Variants in RUNX1T1 observed in about 807,000 individuals in gnomAD.
RUNX1T1 encodes RUNX1 partner transcriptional co-repressor 1.
A neutral mutation model predicts 62.8 loss-of-function variants in RUNX1T1; 4 were observed. That is an observed-to-expected ratio of 0.06 (90% CI 0.03 to 0.15). The LOEUF is 0.15. Among genes scored for constraint, RUNX1T1 ranks in the 10% least tolerant of loss-of-function variants. The pLI is 1.00. For synonymous variants in RUNX1T1, 291 were observed against 286.0 expected (o/e 1.02, Z -0.18); for missense variants, 508 against 754.3 (o/e 0.67, Z 3.82).
At chr8:91,975,763 T>A in intron 9 of RUNX1T1, 142 bp downstream of exon 10, 1 of 624,630 alleles carries the variant, frequency 1.6e-6, no homozygotes, top group Non-Finnish European at 2.9e-6. Flanking sequence ...GTGTTTTGTT[T>A]AGTGGTTTTT....
chr8:91,960,269 A>T (rs1343128193), exon 11 of RUNX1T1: 1 of 1,609,764 alleles, frequency 6.2e-7, no homozygotes, highest in South Asian at 1.1e-5. Flanking sequence ...CTATGGTGGA[A>T]GGGGTTCCCG....
intron 1 of RUNX1T1, among the ~76,000 whole-genome samples, chr8:92,094,855 T>C (rs1837554014): frequency 6.6e-6 from 1 of 152,200 alleles, no homozygotes; most frequent in Non-Finnish European, 1.5e-5. Flanking sequence ...CACCTTAAAA[T>C]AAAAATGAAC....
chr8:92,042,961 T>C (rs1017188881), intron 1 of RUNX1T1, among the ~76,000 whole-genome samples: 12 of 152,208 alleles, frequency 7.9e-5, no homozygotes, highest in African/African-American at 1.7e-4. Context: ...CACATTTTTA[T>C]TCAAGCATGT....
chr8:91,981,690 C>T (rs1294589618), intron 8 of RUNX1T1, among the ~76,000 whole-genome samples: 1 of 151,972 alleles, frequency 6.6e-6, no homozygotes, highest in Non-Finnish European at 1.5e-5. Context: ...GCTGGGATTA[C>T]AGGCGTCAGC....
chr8:92,067,164 A>C (rs1036044932), upstream of RUNX1T1, among the ~76,000 whole-genome samples: 1 of 152,206 alleles, frequency 6.6e-6, no homozygotes, highest in East Asian at 1.9e-4. Flanking sequence ...AATGAGATGG[A>C]GTCAAGTAAA....
chr8:92,045,484 C>T (rs1234345389), intron 1 of RUNX1T1, among the ~76,000 whole-genome samples: 1 of 152,160 alleles, frequency 6.6e-6, no homozygotes, highest in Non-Finnish European at 1.5e-5. Flanking sequence ...TTTCTTATTT[C>T]CACTGAGGCA....
chr8:91,999,708 A>G (rs1045073337), intron 5 of RUNX1T1, among the ~76,000 whole-genome samples: 1 of 152,204 alleles, frequency 6.6e-6, no homozygotes, highest in Non-Finnish European at 1.5e-5. Flanking sequence ...TATTTAGCAC[A>G]GGGCCCAGCA....
intron 1 of RUNX1T1, among the ~76,000 whole-genome samples, chr8:92,019,516 T>TG (rs36116519): frequency 6.6e-6 from 1 of 152,096 alleles, no homozygotes; most frequent in Non-Finnish European, 1.5e-5. Context: ...AAGAGCCTGA[T>TG]GGGGGAGTAA....
At chr8:92,102,965 G>C (rs928345969), upstream of RUNX1T1, 4 of 1,449,602 alleles carry the variant, frequency 2.8e-6, no homozygotes, top group Non-Finnish European at 3.7e-6. The surrounding 1 kb of genome is among the most constrained non-coding windows in gnomAD (Gnocchi z 4.5). Flanking sequence ...GACGCGGCGC[G>C]GCTTCCCTCG....
At chr8:92,062,519 A>G in intron 1 of RUNX1T1, 1 of 1,611,298 alleles carries the variant, frequency 6.2e-7, no homozygotes, top group East Asian at 2.2e-5. Context: ...GGAAAAACAG[A>G]GAGAACACAG....
intron 1 of RUNX1T1, among the ~76,000 whole-genome samples, chr8:92,051,847 T>C (rs1004806425): frequency 2.0e-5 from 3 of 151,898 alleles, no homozygotes; most frequent in African/African-American, 7.3e-5. Context: ...AGGCAGTACA[T>C]GTCCCATCAA....
rs563456089 is a variant in RUNX1T1, at chr8:91,979,438, G to C, written c.1199-3465C>G. 2.6e-5 allele frequency among the ~76,000 whole-genome samples: 4 copies of C among 152,042 alleles called. No individual in the cohort carries two copies. In the East Asian group the frequency reaches 5.8e-4, roughly 22 times the overall value. Reference sequence around the variant, plus strand: ...ATAAAATATCAATTGCTAGAAAAAGGAATCATCATTCTAAAATGTAGTGGT... The same window carrying C: ...ATAAAATATCAATTGCTAGAAAAAGCAATCATCATTCTAAAATGTAGTGGT... On this transcript the variant is annotated intron_variant, in intron 8 of 10. Coordinates refer to ENST00000396218, the Ensembl canonical transcript of RUNX1T1.
chr8:92,022,382 C>CCT (rs1824293092), intron 1 of RUNX1T1, among the ~76,000 whole-genome samples: 1 of 152,162 alleles, frequency 6.6e-6, no homozygotes, highest in Admixed American at 6.5e-5. Context: ...CGTCTCACCT[C>CCT]ATGTCTTATC....
In RUNX1T1 at chr8:92,015,145, C is replaced by T. The variant is rs139744642; in HGVS notation, c.146-325G>A. Reference sequence around the variant, plus strand: ...GTTTCAAAAATAGAACAGACAGCTTCGGATGTCAGCTTTTTGTCGCAGGCT... The same window carrying T: ...GTTTCAAAAATAGAACAGACAGCTTTGGATGTCAGCTTTTTGTCGCAGGCT... On this transcript the variant is annotated intron_variant, in intron 2 of 10. Coordinates refer to ENST00000396218, the Ensembl canonical transcript of RUNX1T1. Among the ~76,000 whole-genome samples, 831 of 152,286 alleles carry T rather than the reference C, an allele frequency of 5.5e-3. 3 individuals are homozygous for T. Among genetic ancestry groups the T allele is most frequent in the Non-Finnish European group, 8.8e-3 (598 of 68,026 alleles).
At chr8:92,081,360 C>T (rs1050662569) in intron 1 of RUNX1T1, 32 of 404,970 alleles carry the variant, frequency 7.9e-5, no homozygotes, top group Middle Eastern at 2.5e-3. Context: ...AAGGTCACTA[C>T]TCAAAAATAT....
At chr8:92,038,896 C>A (rs1827902525) in intron 1 of RUNX1T1, among the ~76,000 whole-genome samples, 1 of 152,054 alleles carries the variant, frequency 6.6e-6, no homozygotes, top group Non-Finnish European at 1.5e-5. Flanking sequence ...ACTTGTTTGG[C>A]CCTAACCACT....
exon 1 of RUNX1T1, chr8:92,099,675 A>G (rs936810752): frequency 7.1e-6 from 7 of 984,844 alleles, no homozygotes; most frequent in Admixed American, 6.2e-5. Context: ...ATGAAGGGCT[A>G]TGTTGCCTGC....
At chr8:92,096,600 G>A (rs193272624) in intron 1 of RUNX1T1, among the ~76,000 whole-genome samples, 76 of 152,302 alleles carry the variant, frequency 5.0e-4, no homozygotes, top group Middle Eastern at 6.8e-3. Flanking sequence ...ATTTGGTTGT[G>A]CTGTGTTTCA....
At chr8:92,020,666 T>C (rs1302816524) in intron 1 of RUNX1T1, among the ~76,000 whole-genome samples, 1 of 152,218 alleles carries the variant, frequency 6.6e-6, no homozygotes, top group Non-Finnish European at 1.5e-5. Context: ...ATCTTCCCTC[T>C]GTGTAACGTT....
Sources: gnomAD v4.1 joint callset for allele counts (sites outside exome capture counted in the v4.1 genomes callset) on GRCh38, gnomAD v4.1.1 for gene constraint, Gnocchi (gnomAD v3.1) non-coding constraint, MANE v1.5 for transcripts, NCBI Gene and HGNC (gene_info 2026-07-23, HGNC 2026-07-21) for gene names.